Variants in LRRTM4 observed in about 807,000 individuals in gnomAD.
LRRTM4 encodes leucine-rich repeat transmembrane neuronal protein 4.
A neutral mutation model predicts 47.6 loss-of-function variants in LRRTM4; 25 were observed. The ratio of observed to expected loss-of-function variants is 0.53; its 90% CI spans 0.38 to 0.73. The LOEUF is 0.73. Ranked by LOEUF, LRRTM4 falls within the 30% of genes least tolerant of loss-of-function variation. The pLI, the probability that LRRTM4 is intolerant of heterozygous loss-of-function variation, is 0.00. For missense variants in LRRTM4, 638 were observed against 713.4 expected (o/e 0.89, Z 1.20); for synonymous variants, 311 against 269.5 (o/e 1.15, Z -1.51).
At position 77,131,070 on chromosome 2, in the gene LRRTM4, G is replaced by A. The variant is rs1359583782; in HGVS notation, c.1552-382154C>T. Among the ~76,000 whole-genome samples, 208 of 140,278 alleles carry A rather than the reference G, an allele frequency of 1.5e-3. No homozygotes were observed. The Middle Eastern group carries it at 0.027, about 18-fold the overall frequency. 92.0% of individuals were successfully genotyped at this position (140,278 alleles called of 152,430 possible). A position where few individuals can be genotyped will look rare whatever the true frequency, so the allele number is the denominator to read the frequency against. On this transcript the variant is annotated intron_variant, in intron 3 of 3. Coordinates refer to ENST00000409884, the MANE Select transcript of LRRTM4 (RefSeq NM_001134745.3). Reference sequence around the variant, plus strand: ...GGGATGGTCTCGATATCCTGACCTCGTGATCCGCCCGCCTCGGCCTCCCAA... The same window carrying A: ...GGGATGGTCTCGATATCCTGACCTCATGATCCGCCCGCCTCGGCCTCCCAA...
chr2:77,492,296 G>A (rs555896471), intron 3 of LRRTM4, among the ~76,000 whole-genome samples: 6 of 152,040 alleles, frequency 3.9e-5, no homozygotes, highest in Non-Finnish European at 5.9e-5. Flanking sequence ...GGTCTTGCTC[G>A]TCACTCGGGC....
intron 3 of LRRTM4, among the ~76,000 whole-genome samples, chr2:77,475,073 C>G (rs1186742716): frequency 6.6e-6 from 1 of 151,926 alleles, no homozygotes; most frequent in East Asian, 1.9e-4. Context: ...AAACAGATAT[C>G]AAGAAAAATT....
intron 3 of LRRTM4, among the ~76,000 whole-genome samples, chr2:76,930,333 T>G (rs754459683): frequency 5.3e-5 from 8 of 152,140 alleles, no homozygotes; most frequent in Non-Finnish European, 8.8e-5. Context: ...TGTGCACGCA[T>G]GCGTGCACAC....
chr2:77,105,908 C>T (rs1007744069), intron 3 of LRRTM4, among the ~76,000 whole-genome samples: 5 of 152,084 alleles, frequency 3.3e-5, no homozygotes, highest in African/African-American at 1.2e-4. Flanking sequence ...GAAAATTAAT[C>T]TTCAATTTAT....
intron 3 of LRRTM4, among the ~76,000 whole-genome samples, chr2:77,364,855 C>T (rs1211061712): frequency 6.6e-6 from 1 of 152,038 alleles, no homozygotes; most frequent in Non-Finnish European, 1.5e-5. Context: ...AAAAACACTG[C>T]TTTTAGATTC....
intron 3 of LRRTM4, among the ~76,000 whole-genome samples, chr2:77,490,488 C>T (rs1418856778): frequency 6.6e-6 from 1 of 152,062 alleles, no homozygotes; most frequent in Non-Finnish European, 1.5e-5. Flanking sequence ...GTTCCTCCTA[C>T]AGTGAGAAGA....
intron 3 of LRRTM4, among the ~76,000 whole-genome samples, chr2:77,358,756 T>A (rs1672066949): frequency 6.6e-6 from 1 of 152,164 alleles, no homozygotes; most frequent in Non-Finnish European, 1.5e-5. Context: ...AACAGATATT[T>A]TAAAACTTTG....
intron 3 of LRRTM4, among the ~76,000 whole-genome samples, chr2:76,808,579 T>A (rs953704803): frequency 2.0e-5 from 3 of 152,190 alleles, no homozygotes; most frequent in Non-Finnish European, 4.4e-5. Flanking sequence ...ATTTATCCTA[T>A]TTTCAAATAT....
chr2:76,931,506 C>T lies in LRRTM4; in HGVS notation c.1552-182590G>A, dbSNP rs947356544. ...GTGGGACAAGGTTCCCTGCTGTGCC[C>T]GTAATGTGCCTGGATACACTCTCTC... On this transcript the variant is annotated intron_variant, in intron 3 of 3. Coordinates refer to ENST00000409884, the MANE Select transcript of LRRTM4 (RefSeq NM_001134745.3). 3.3e-5 allele frequency among the ~76,000 whole-genome samples: 5 copies of T among 151,982 alleles called. No individual in the cohort carries two copies. In the South Asian group the frequency reaches 1.0e-3, roughly 32 times the overall value.
At chr2:76,951,160 T>C (rs993209335) in intron 3 of LRRTM4, among the ~76,000 whole-genome samples, 1 of 152,116 alleles carries the variant, frequency 6.6e-6, no homozygotes, top group African/African-American at 2.4e-5. Flanking sequence ...AGTCTTGTTC[T>C]AAATTTTAAA....
At chr2:77,099,618 A>G (rs59731212) in intron 3 of LRRTM4, among the ~76,000 whole-genome samples, 60,372 of 151,250 alleles carry the variant, frequency 0.4, 13,538 homozygotes, top group East Asian at 0.69. Context: ...TGTATATTGG[A>G]TAGATGAATG....
At chr2:77,516,038 T>C (rs1053980965) in intron 3 of LRRTM4, among the ~76,000 whole-genome samples, 3 of 151,808 alleles carry the variant, frequency 2.0e-5, no homozygotes, top group African/African-American at 7.2e-5. Flanking sequence ...AGCACCCCCC[T>C]CCTCATCCTA....
At chr2:77,206,161 C>T (rs1324634907) in intron 3 of LRRTM4, among the ~76,000 whole-genome samples, 1 of 148,280 alleles carries the variant, frequency 6.7e-6, no homozygotes, top group Non-Finnish European at 1.5e-5. Context: ...TGCCAATACA[C>T]TGTAATTTCA....
chr2:77,316,036 G>A (rs1371472016), intron 3 of LRRTM4, among the ~76,000 whole-genome samples: 1 of 152,160 alleles, frequency 6.6e-6, no homozygotes, highest in Non-Finnish European at 1.5e-5. Context: ...ATCTAAATTT[G>A]GTGGTCTGTC....
At chr2:77,108,488 T>C (rs931658092) in intron 3 of LRRTM4, among the ~76,000 whole-genome samples, 1 of 151,970 alleles carries the variant, frequency 6.6e-6, no homozygotes, top group East Asian at 1.9e-4. Flanking sequence ...AGAATATATA[T>C]ATTTTAATTT....
chr2:77,336,233 G>A (rs1485598769), intron 3 of LRRTM4, among the ~76,000 whole-genome samples: 1 of 148,470 alleles, frequency 6.7e-6, no homozygotes, highest in Non-Finnish European at 1.5e-5. Flanking sequence ...GGAAAGAAAG[G>A]AAGGAAGGAA....
intron 3 of LRRTM4, among the ~76,000 whole-genome samples, chr2:76,966,968 T>C (rs1676046608): frequency 6.6e-6 from 1 of 151,496 alleles, no homozygotes; most frequent in Non-Finnish European, 1.5e-5. Context: ...TATTTTCTTG[T>C]ATAATAGTAT....
At chr2:77,091,264 C>A (rs1200337998) in intron 3 of LRRTM4, among the ~76,000 whole-genome samples, 1 of 150,258 alleles carries the variant, frequency 6.7e-6, no homozygotes, top group East Asian at 2.0e-4. Context: ...CCTTAACCCA[C>A]AAGTATAAGA....
intron 3 of LRRTM4, among the ~76,000 whole-genome samples, chr2:76,929,952 T>TGC (rs1674715979): frequency 6.7e-6 from 1 of 148,758 alleles, no homozygotes; most frequent in African/African-American, 2.5e-5. Context: ...TGTGTGTGTG[T>TGC]GTGTGTGTTT....
Sources: allele counts gnomAD v4.1 joint callset (sites outside exome capture counted in the v4.1 genomes callset), GRCh38; gene constraint gnomAD v4.1.1; transcripts MANE v1.5; gene names NCBI Gene and HGNC (gene_info 2026-07-23, HGNC 2026-07-21).